Variants in POU3F3 observed in about 807,000 individuals in gnomAD.
POU3F3 encodes POU domain, class 3, transcription factor 3.
In POU3F3, 1 loss-of-function variant was observed where a neutral mutation model predicts 8.6. That is an observed-to-expected ratio of 0.12 (90% CI 0.04 to 0.55). The LOEUF (loss-of-function observed/expected upper bound fraction) is 0.55, where lower values mean the gene tolerates loss of function less well. Among genes scored for constraint, POU3F3 ranks in the 20% least tolerant of loss-of-function variants. The pLI, the probability that POU3F3 is intolerant of heterozygous loss-of-function variation, is 0.91. For missense variants in POU3F3, 577 were observed against 690.7 expected (o/e 0.84, Z 1.84); for synonymous variants, 418 against 327.4 (o/e 1.28, Z -2.99).
the POU3F3 span, among the ~76,000 whole-genome samples, chr2:104,912,015 C>T: frequency 6.6e-6 from 1 of 152,186 alleles, no homozygotes; most frequent in Non-Finnish European, 1.5e-5. Flanking sequence ...GACTGCAGCG[C>T]GCCTGTTGAT....
At chr2:104,880,553 G>C in the POU3F3 span, among the ~76,000 whole-genome samples, 1 of 152,122 alleles carries the variant, frequency 6.6e-6, no homozygotes. Context: ...AGTGTTGCTG[G>C]TGACTGCCTC....
rs1676539101 is a variant in POU3F3 at position 104,855,594 on chromosome 2, G to C, written c.84G>C (p.Gly28=). The change falls in exon 1 of 1, where the codon GGG becomes GGC. Residue 28 remains glycine (G), a synonymous_variant. Transcript: ENST00000361360. ...CTATTGTGCACTCGGACGCGGCAGG[G>C]GCTGGCGGCGGCGGGGGTGGCGGCG... ...AGSIVHSDAA[G]AGGGGGGGGG... 1 of 978,988 alleles carries C rather than the reference G, an allele frequency of 1.0e-6. No homozygotes were observed. Among genetic ancestry groups the C allele is most frequent in the Non-Finnish European group, 1.2e-6 (1 of 829,766 alleles). The allele number at this position is 978,988 out of a possible 1,614,324, so 60.6% of individuals were successfully genotyped here. A position where few individuals can be genotyped will look rare whatever the true frequency, so the allele number is the denominator to read the frequency against.
chr2:104,889,414 A>T, the POU3F3 span, among the ~76,000 whole-genome samples: 5 of 152,326 alleles, frequency 3.3e-5, no homozygotes, highest in African/African-American at 1.2e-4. Context: ...TCCCAGCTGC[A>T]AATGGGGAAG....
the POU3F3 span, among the ~76,000 whole-genome samples, chr2:104,914,005 A>G: frequency 1.1e-4 from 17 of 152,292 alleles, no homozygotes; most frequent in Non-Finnish European, 2.1e-4. Flanking sequence ...TAGCTTTTCT[A>G]TTGTCTCTCA....
chr2:104,918,665 C>A, the POU3F3 span, among the ~76,000 whole-genome samples: 1 of 152,148 alleles, frequency 6.6e-6, no homozygotes, highest in Non-Finnish European at 1.5e-5. Flanking sequence ...GGAGCAGATT[C>A]TCTCTCGCAG....
chr2:104,888,369 T>G, the POU3F3 span, among the ~76,000 whole-genome samples: 1 of 152,176 alleles, frequency 6.6e-6, no homozygotes, highest in Admixed American at 6.5e-5. Context: ...ATGAAAACAT[T>G]TCTGGATAGA....
the POU3F3 span, among the ~76,000 whole-genome samples, chr2:104,907,010 G>A: frequency 1.3e-5 from 2 of 152,046 alleles, no homozygotes; most frequent in East Asian, 3.9e-4. Context: ...AAAATCATAC[G>A]AACACCCCTA....
At chr2:104,916,805 C>T in the POU3F3 span, among the ~76,000 whole-genome samples, 183 of 152,206 alleles carry the variant, frequency 1.2e-3, no homozygotes, top group East Asian at 1.2e-3. Context: ...CACACTGCTG[C>T]GAAGGTTAAT....
the POU3F3 span, chr2:104,868,145 AC>A: frequency 2.5e-6 from 1 of 394,700 alleles, no homozygotes; most frequent in African/African-American, 2.1e-5. Context: ...CTCCAACTTC[AC>A]CCCCACACCC....
Position 104,857,118 on chromosome 2 carries a change from G to C in POU3F3, c.*105G>C. On this transcript the variant is annotated 3_prime_UTR_variant, in exon 1 of 1. Coordinates refer to ENST00000361360, the MANE Select transcript of POU3F3 (RefSeq NM_006236.3). ...CGCCGCCGCCGCCGCCGCCGCCGCT[G>C]CCGCCGCCGCGCCGACCCTGCACCT... is the stretch of plus-strand genomic sequence containing the variant. The C allele has an allele frequency of 1.0e-6, 1 of 970,354 alleles. No individual in the cohort carries two copies. The highest frequency in any genetic ancestry group is 1.2e-6 in the Non-Finnish European group (1 of 818,204). 60.1% of individuals were successfully genotyped at this position (970,354 alleles called of 1,614,324 possible). A position where few individuals can be genotyped will look rare whatever the true frequency, so the allele number is the denominator to read the frequency against.
At chr2:104,860,295 A>ATTTT (rs1263849701), downstream of POU3F3, among the ~76,000 whole-genome samples, 2 of 151,908 alleles carry the variant, frequency 1.3e-5, no homozygotes, top group Admixed American at 6.6e-5. Flanking sequence ...CTTGCACTCC[A>ATTTT]TTTTTTTTAA....
chr2:104,899,079 A>C, the POU3F3 span, among the ~76,000 whole-genome samples: 1 of 152,252 alleles, frequency 6.6e-6, no homozygotes, highest in South Asian at 2.1e-4. Context: ...CTTTGACCAA[A>C]GGAAGAAATC....
the POU3F3 span, among the ~76,000 whole-genome samples, chr2:104,920,589 T>C: frequency 5.9e-5 from 9 of 152,190 alleles, no homozygotes; most frequent in Non-Finnish European, 1.2e-4. Context: ...AAGATGGTTT[T>C]ACAAAGCATT....
the POU3F3 span, among the ~76,000 whole-genome samples, chr2:104,888,009 G>A: frequency 2.6e-5 from 4 of 152,174 alleles, no homozygotes; most frequent in Non-Finnish European, 4.4e-5. Context: ...TATACAGCAC[G>A]TGCTTTTAAG....
At chr2:104,920,819 T>C in the POU3F3 span, among the ~76,000 whole-genome samples, 1 of 152,236 alleles carries the variant, frequency 6.6e-6, no homozygotes, top group African/African-American at 2.4e-5. Context: ...TGTCCAACAG[T>C]AGGTGATCTG....
chr2:104,856,960 G>C lies in POU3F3; in HGVS notation c.1450G>C (p.Val484Leu), dbSNP rs950008916. 40 of 1,611,792 alleles carry C rather than the reference G, an allele frequency of 2.5e-5. No homozygotes were observed. Among genetic ancestry groups the C allele is most frequent in the Middle Eastern group, 1.6e-4 (1 of 6,070 alleles). ...PDDVYSQVGT[V>L]SADTPPPHHG... The stretch of plus-strand genomic sequence containing the variant: ...CGACGTCTACTCGCAGGTGGGCACC[G>C]TGAGCGCCGACACGCCGCCGCCTCA... Residue 484 changes from valine to leucine, a missense_variant, in exon 1 of 1, where the codon GTG (valine) becomes CTG (leucine). Val to Leu is a conservative substitution (Grantham distance 32). Transcript: ENST00000361360.
the POU3F3 span, among the ~76,000 whole-genome samples, chr2:104,880,044 C>A: frequency 6.6e-6 from 1 of 152,182 alleles, no homozygotes; most frequent in Non-Finnish European, 1.5e-5. Flanking sequence ...CCTGCTCGTT[C>A]TTATCCAAGC....
At chr2:104,877,051 C>T in the POU3F3 span, among the ~76,000 whole-genome samples, 5 of 148,858 alleles carry the variant, frequency 3.4e-5, no homozygotes, top group African/African-American at 1.3e-4. Context: ...CTGTGGTATA[C>T]ACACACACAC....
At chr2:104,869,029 G>A in the POU3F3 span, among the ~76,000 whole-genome samples, 2 of 152,202 alleles carry the variant, frequency 1.3e-5, no homozygotes, top group African/African-American at 2.4e-5. Flanking sequence ...CTGAAAACAG[G>A]TGGGGATGGT....
Sources: gnomAD v4.1 joint callset for allele counts (sites outside exome capture counted in the v4.1 genomes callset) on GRCh38, gnomAD v4.1.1 for gene constraint, MANE v1.5 for transcripts, NCBI Gene and HGNC (gene_info 2026-07-23, HGNC 2026-07-21) for gene names.